Variants in PACRG observed in about 807,000 individuals in gnomAD.
PACRG encodes parkin coregulated.
Under a neutral mutation model 29.7 loss-of-function variants are expected in PACRG, and 29 were observed. That is an observed-to-expected ratio of 0.98 (90% confidence interval 0.73 to 1.33). The LOEUF is 1.33. PACRG is among the 40% of genes most tolerant of loss of function. The pLI is 0.00. For missense variants in PACRG, 279 were observed against 316.2 expected (o/e 0.88, Z 0.89); for synonymous variants, 116 against 118.7 (o/e 0.98, Z 0.15).
intron 2 of PACRG, among the ~76,000 whole-genome samples, chr6:162,830,371 A>G (rs1239468529): frequency 2.6e-5 from 4 of 152,142 alleles, no homozygotes; most frequent in Admixed American, 2.0e-4. Context: ...CTCCAGCCAT[A>G]CTGGCTTCCT....
chr6:162,947,621 T>TATAATC (rs1554313383), intron 2 of PACRG, among the ~76,000 whole-genome samples: 631 of 47,788 alleles, frequency 0.013, 7 homozygotes, highest in South Asian at 0.02. Flanking sequence ...CATATATATA[T>TATAATC]ATATATATAT....
chr6:163,241,211 C>T (rs1445052226), intron 4 of PACRG, among the ~76,000 whole-genome samples: 3 of 151,978 alleles, frequency 2.0e-5, no homozygotes, highest in Non-Finnish European at 2.9e-5. Context: ...CTGTACACTG[C>T]AACAGTTTAA....
At chr6:163,304,816 G>A (rs1419395299) in intron 4 of PACRG, among the ~76,000 whole-genome samples, 1 of 152,190 alleles carries the variant, frequency 6.6e-6, no homozygotes, top group Non-Finnish European at 1.5e-5. Flanking sequence ...GGCTTCGTGA[G>A]GGAGATGAGA....
intron 4 of PACRG, among the ~76,000 whole-genome samples, chr6:163,132,328 C>G (rs968559909): frequency 6.6e-6 from 1 of 152,160 alleles, no homozygotes; most frequent in Non-Finnish European, 1.5e-5. Flanking sequence ...ACAGAACAAA[C>G]TTGCTAGTCC....
intron 2 of PACRG, among the ~76,000 whole-genome samples, chr6:162,920,412 C>T (rs1458212860): frequency 3.3e-5 from 5 of 152,196 alleles, no homozygotes; most frequent in African/African-American, 7.2e-5. Flanking sequence ...CATCGAATCA[C>T]GCCACAGTTT....
chr6:162,861,295 T>A lies in PACRG; in HGVS notation c.291+47014T>A, dbSNP rs77439536. 1.0e-3 allele frequency among the ~76,000 whole-genome samples: 154 copies of A among 152,344 alleles called. 3 individuals carry two copies. In the East Asian group the frequency reaches 0.014, roughly 14 times the overall value. On this transcript the variant is annotated intron_variant, in intron 2 of 4. Coordinates refer to ENST00000366888, the MANE Select transcript of PACRG (RefSeq NM_001080379.2). ...TGTCTTAATTCAATTGGCTGATATA[T>A]ATTCCCAGTTTTCACTCATAGGTGA...
intron 4 of PACRG, among the ~76,000 whole-genome samples, chr6:163,252,760 G>A (rs543732075): frequency 6.6e-5 from 10 of 152,300 alleles, no homozygotes; most frequent in Admixed American, 5.9e-4. Context: ...AAAAGGGTCT[G>A]ATTCCTAACA....
At chr6:162,759,447 T>C (rs1325122640) in intron 1 of PACRG, among the ~76,000 whole-genome samples, 1 of 152,162 alleles carries the variant, frequency 6.6e-6, no homozygotes, top group Admixed American at 6.5e-5. Flanking sequence ...ATTGAGAAAA[T>C]AAGCAGTAAT....
intron 2 of PACRG, among the ~76,000 whole-genome samples, chr6:163,004,976 A>C (rs983170501): frequency 6.6e-6 from 1 of 151,966 alleles, no homozygotes; most frequent in Non-Finnish European, 1.5e-5. Flanking sequence ...GCTTTATATG[A>C]AAAATAAATG....
intron 1 of PACRG, among the ~76,000 whole-genome samples, chr6:162,789,080 A>G (rs1784738667): frequency 6.6e-6 from 1 of 152,138 alleles, no homozygotes; most frequent in African/African-American, 2.4e-5. Flanking sequence ...AAAATCTTGT[A>G]ATAAGAATAT....
At chr6:163,132,881 G>A (rs976598052) in intron 4 of PACRG, among the ~76,000 whole-genome samples, 58 of 152,240 alleles carry the variant, frequency 3.8e-4, no homozygotes, top group African/African-American at 1.4e-3. Context: ...AATTTTAAAA[G>A]GTGTTCCCAA....
At chr6:162,769,735 C>T (rs1011449497) in intron 1 of PACRG, among the ~76,000 whole-genome samples, 1 of 147,398 alleles carries the variant, frequency 6.8e-6, no homozygotes, top group Non-Finnish European at 1.5e-5. Context: ...TATATGAACT[C>T]AAGCATTATC....
At chr6:163,145,035 G>A (rs1305941532) in intron 4 of PACRG, among the ~76,000 whole-genome samples, 1 of 152,138 alleles carries the variant, frequency 6.6e-6, no homozygotes, top group East Asian at 1.9e-4. Context: ...GAGCTTTACT[G>A]CTATTGATGC....
rs527315172 is a variant in PACRG, at chr6:162,775,640, C to T, written c.157-38507C>T. 2.8e-3 allele frequency among the ~76,000 whole-genome samples: 420 copies of T among 152,240 alleles called. 1 individual carries two copies. Among genetic ancestry groups the T allele is most frequent in the African/African-American group, 9.6e-3 (401 of 41,558 alleles). On this transcript the variant is annotated intron_variant, in intron 1 of 4. Coordinates refer to ENST00000366888, the MANE Select transcript of PACRG (RefSeq NM_001080379.2). Reference sequence around the variant, plus strand: ...ATATCTATTTTTCAAATTATGTGCACATCCAATTTTGATATGTGTAATGTT... The same window carrying T: ...ATATCTATTTTTCAAATTATGTGCATATCCAATTTTGATATGTGTAATGTT...
intron 2 of PACRG, among the ~76,000 whole-genome samples, chr6:162,887,031 C>A (rs1794395558): frequency 6.6e-6 from 1 of 152,080 alleles, no homozygotes; most frequent in Non-Finnish European, 1.5e-5. Context: ...CCTCAGCCTC[C>A]CGAGTAGCTG....
chr6:162,997,332 CA>C (rs1362796745), intron 2 of PACRG: 6 of 413,726 alleles, frequency 1.5e-5, no homozygotes, highest in African/African-American at 1.3e-4. Context: ...GTAAGAAAGC[CA>C]AAGTATGGTT....
intron 2 of PACRG, among the ~76,000 whole-genome samples, chr6:162,942,981 G>T (rs552328823): frequency 4.5e-4 from 68 of 152,350 alleles, no homozygotes; most frequent in Non-Finnish European, 4.0e-4. Flanking sequence ...GCTCAGCTGG[G>T]ATTGGCCAGG....
intron 4 of PACRG, among the ~76,000 whole-genome samples, chr6:163,225,509 A>T (rs1192756803): frequency 6.6e-6 from 1 of 152,172 alleles, no homozygotes; most frequent in Admixed American, 6.5e-5. Flanking sequence ...TTTATACATT[A>T]CCCAGTCTCA....
chr6:163,270,900 T>C (rs1259754092), intron 4 of PACRG, among the ~76,000 whole-genome samples: 1 of 152,130 alleles, frequency 6.6e-6, no homozygotes, highest in African/African-American at 2.4e-5. Flanking sequence ...CAGGGTTCTC[T>C]AGAGGGACAG....
Sources: allele counts gnomAD v4.1 joint callset (sites outside exome capture counted in the v4.1 genomes callset), GRCh38; gene constraint gnomAD v4.1.1; transcripts MANE v1.5; gene names NCBI Gene and HGNC (gene_info 2026-07-23, HGNC 2026-07-21).